The following CTNNA2 variants were observed in gnomAD, a reference collection of about 807,000 sequenced individuals.
CTNNA2 encodes catenin alpha-2.
In CTNNA2, 42 loss-of-function variants were observed where a neutral mutation model predicts 101.0. That is an observed-to-expected ratio of 0.42 (90% CI 0.32 to 0.54). The LOEUF (loss-of-function observed/expected upper bound fraction) is 0.54. Among genes scored for constraint, CTNNA2 ranks in the 20% least tolerant of loss-of-function variants. CTNNA2 has a pLI of 0.14. For missense variants in CTNNA2, 871 were observed against 1,223.1 expected (o/e 0.71, Z 4.29); for synonymous variants, 450 against 456.4 (o/e 0.99, Z 0.18).
chr2:79,286,904 G>A (rs1330752942), intron 2 of CTNNA2, among the ~76,000 whole-genome samples: 2 of 152,164 alleles, frequency 1.3e-5, no homozygotes, highest in Non-Finnish European at 2.9e-5. Flanking sequence ...ATCAGACATA[G>A]ATTTGGTCTT....
At chr2:80,269,809 C>T (rs906352630) in intron 7 of CTNNA2, among the ~76,000 whole-genome samples, 1 of 152,048 alleles carries the variant, frequency 6.6e-6, no homozygotes, top group Non-Finnish European at 1.5e-5. Flanking sequence ...TAATATATTA[C>T]AATTAAAACA....
chr2:79,659,833 T>G (rs1055659226), intron 2 of CTNNA2, among the ~76,000 whole-genome samples: 16 of 152,098 alleles, frequency 1.1e-4, no homozygotes, highest in African/African-American at 3.6e-4. Flanking sequence ...CAGTCTCTAC[T>G]AAAAGTTTTT....
At chr2:79,676,173 G>A (rs981183839) in intron 2 of CTNNA2, among the ~76,000 whole-genome samples, 1 of 152,186 alleles carries the variant, frequency 6.6e-6, no homozygotes, top group Non-Finnish European at 1.5e-5. Context: ...GGGAATGATA[G>A]AGAAGATATT....
intron 7 of CTNNA2, among the ~76,000 whole-genome samples, chr2:80,146,301 A>G (rs1267618818): frequency 3.3e-5 from 5 of 152,162 alleles, no homozygotes; most frequent in Admixed American, 1.3e-4. Context: ...GAGCAAATAC[A>G]TGATGTTTTT....
chr2:79,341,607 C>T (rs7569369), intron 3 of CTNNA2, among the ~76,000 whole-genome samples: 51,625 of 152,064 alleles, frequency 0.34, 9,121 homozygotes, highest in Admixed American at 0.44. Context: ...TAGCAAGCAA[C>T]CTTGGAAGAC....
At chr2:80,233,812 A>C (rs1709392925) in intron 7 of CTNNA2, among the ~76,000 whole-genome samples, 1 of 152,218 alleles carries the variant, frequency 6.6e-6, no homozygotes, top group African/African-American at 2.4e-5. Flanking sequence ...AATCCCACCT[A>C]GACTTTGGGT....
chr2:79,399,528 AAATATCAT>A (rs1678268073), intron 4 of CTNNA2, among the ~76,000 whole-genome samples: 1 of 152,136 alleles, frequency 6.6e-6, no homozygotes, highest in Non-Finnish European at 1.5e-5. Flanking sequence ...AACCAAATAG[AAATATCAT>A]AGACCACACA....
chr2:80,066,846 C>A (rs978998092), intron 7 of CTNNA2, among the ~76,000 whole-genome samples: 2 of 152,112 alleles, frequency 1.3e-5, no homozygotes, highest in Non-Finnish European at 2.9e-5. Context: ...CAGTGTTCAT[C>A]AGTGAATGGA....
intron 18 of CTNNA2, among the ~76,000 whole-genome samples, chr2:80,637,812 G>A (rs1325810921): frequency 6.6e-6 from 1 of 152,146 alleles, no homozygotes; most frequent in Non-Finnish European, 1.5e-5. Flanking sequence ...TCCAGGCATA[G>A]TACTCCACCA....
intron 7 of CTNNA2, among the ~76,000 whole-genome samples, chr2:80,216,816 C>T (rs2149046524): frequency 6.6e-6 from 1 of 151,204 alleles, no homozygotes; most frequent in East Asian, 1.9e-4. Flanking sequence ...TCTCCGGGGC[C>T]TGACTTAGCC....
At position 80,303,991 on chromosome 2, in the gene CTNNA2, T is replaced by C; in HGVS notation, c.1057-89220T>C. On this transcript the variant is annotated intron_variant, in intron 7 of 18. Transcript: ENST00000402739. This position sits in a 1 kb window ranked among gnomAD's most constrained non-coding sequence, Gnocchi z 7.7. ...GACCCCCCTCCCCAAAAACCACACG[T>C]TCACCTCTAAGCATGCAGAAAGCTG... The C allele has an allele frequency of 1.4e-6, 1 of 692,892 alleles. No homozygotes were observed. Among genetic ancestry groups the C allele is most frequent in the Non-Finnish European group, 2.2e-6 (1 of 445,216 alleles). The allele number at this position is 692,892 out of a possible 1,614,324, so 42.9% of individuals were successfully genotyped here.
chr2:79,673,310 G>A (rs1026018723), intron 2 of CTNNA2, among the ~76,000 whole-genome samples: 4 of 151,902 alleles, frequency 2.6e-5, no homozygotes, highest in Admixed American at 6.6e-5. Flanking sequence ...TTTCTGGGGG[G>A]CGGGGGTGAA....
chr2:79,945,641 G>T (rs900002698), intron 7 of CTNNA2, among the ~76,000 whole-genome samples: 2 of 152,076 alleles, frequency 1.3e-5, no homozygotes, highest in Admixed American at 1.3e-4. Context: ...TTGACTTATT[G>T]GTTAAATTAT....
At chr2:79,850,189 C>A (rs1370179003) in intron 3 of CTNNA2, among the ~76,000 whole-genome samples, 1 of 151,378 alleles carries the variant, frequency 6.6e-6, no homozygotes, top group East Asian at 2.0e-4. Context: ...CCTTCCCTCT[C>A]TCCCTTCCTT....
At position 80,261,747 on chromosome 2, in the gene CTNNA2, C is replaced by T. The variant is rs138991705; in HGVS notation, c.1057-131464C>T. Among the ~76,000 whole-genome samples, 575 of 152,292 alleles carry T rather than the reference C, an allele frequency of 3.8e-3. 3 individuals carry two copies. Among genetic ancestry groups the T allele is most frequent in the Non-Finnish European group, 4.0e-3 (269 of 68,028 alleles). ...ATTTGAAAATTATATTTAGGCTTTA[C>T]ATAAAACCAAAGGCAATAGAGGTTG... is the stretch of plus-strand genomic sequence containing the variant. On this transcript the variant is annotated intron_variant, in intron 7 of 18. Coordinates refer to ENST00000402739, the MANE Select transcript of CTNNA2 (RefSeq NM_001282597.3).
chr2:79,685,296 A>T (rs55688882), intron 2 of CTNNA2, among the ~76,000 whole-genome samples: 2 of 152,194 alleles, frequency 1.3e-5, no homozygotes, highest in Non-Finnish European at 2.9e-5. Flanking sequence ...GCCTGGCTTT[A>T]TGGAATTTAT....
intron 17 of CTNNA2, among the ~76,000 whole-genome samples, chr2:80,609,657 T>G (rs557074422): frequency 2.0e-5 from 3 of 151,792 alleles, no homozygotes; most frequent in Non-Finnish European, 2.9e-5. Context: ...TGGTATAGTT[T>G]CCCATACCAC....
At chr2:80,484,962 T>C (rs1018521175) in intron 9 of CTNNA2, among the ~76,000 whole-genome samples, 43 of 152,086 alleles carry the variant, frequency 2.8e-4, no homozygotes, top group African/African-American at 1.0e-3. Flanking sequence ...GCCGAGACTG[T>C]GCCACTGCAT....
intron 9 of CTNNA2, among the ~76,000 whole-genome samples, chr2:80,539,321 T>TTTG (rs201550094): frequency 4.1e-5 from 5 of 122,550 alleles, no homozygotes; most frequent in East Asian, 2.0e-4. Flanking sequence ...CTTTTTTTTT[T>TTTG]TTGTTGTTGT....
Sources: allele counts gnomAD v4.1 joint callset (sites outside exome capture counted in the v4.1 genomes callset), GRCh38; gene constraint gnomAD v4.1.1; non-coding constraint Gnocchi (gnomAD v3.1); transcripts MANE v1.5; gene names NCBI Gene and HGNC (gene_info 2026-07-23, HGNC 2026-07-21).